Variants in WDR20 observed in about 807,000 individuals in gnomAD.
WDR20 encodes WD repeat-containing protein 20.
WDR20 carries 3 observed loss-of-function variants against 38.7 expected under a neutral mutation model. The ratio of observed to expected loss-of-function variants is 0.08; its 90% confidence interval spans 0.04 to 0.20. The LOEUF (loss-of-function observed/expected upper bound fraction) is 0.20, where lower values mean the gene tolerates loss of function less well. Among genes scored for constraint, WDR20 ranks in the 10% least tolerant of loss-of-function variants. WDR20 has a pLI of 1.00. For synonymous variants in WDR20, 298 were observed against 285.6 expected (o/e 1.04, Z -0.44); for missense variants, 559 against 727.7 (o/e 0.77, Z 2.67).
intron 2 of WDR20, among the ~76,000 whole-genome samples, chr14:102,199,118 A>T (rs948952524): frequency 1.4e-4 from 21 of 152,108 alleles, no homozygotes; most frequent in African/African-American, 5.1e-4. Flanking sequence ...AGGGGCACTT[A>T]ACACACAGTT....
chr14:102,202,615 C>G (rs1432691437), intron 2 of WDR20, among the ~76,000 whole-genome samples: 1 of 151,942 alleles, frequency 6.6e-6, no homozygotes, highest in African/African-American at 2.4e-5. Flanking sequence ...CTCCTGACCT[C>G]GTGATCCGCC....
upstream of WDR20, chr14:102,139,796 G>A (rs1446253114): frequency 6.4e-6 from 9 of 1,413,384 alleles, no homozygotes; most frequent in Non-Finnish European, 8.7e-6. Flanking sequence ...CCCTCGCAGG[G>A]CTGGCCCGCG....
chr14:102,214,995 T>A, downstream of WDR20: 1 of 984,476 alleles, frequency 1.0e-6, no homozygotes. Flanking sequence ...CGTGTGTGAG[T>A]GAACTGTAAA....
chr14:102,158,723 G>T (rs1430625907), intron 1 of WDR20, among the ~76,000 whole-genome samples: 2 of 152,016 alleles, frequency 1.3e-5, no homozygotes, highest in Non-Finnish European at 2.9e-5. Flanking sequence ...AATTTCTCCA[G>T]ATTTCTACCC....
At chr14:102,213,317 A>G, downstream of WDR20, 5 of 985,480 alleles carry the variant, frequency 5.1e-6, no homozygotes, top group Non-Finnish European at 6.0e-6. Flanking sequence ...ATGCATGTGC[A>G]GGAGTAGACA....
chr14:102,142,794 T>TC (rs1340808431), intron 1 of WDR20, among the ~76,000 whole-genome samples: 1 of 150,454 alleles, frequency 6.6e-6, no homozygotes, highest in Non-Finnish European at 1.5e-5. Flanking sequence ...TTTTTTTTTT[T>TC]TTTGGTCCTT....
chr14:102,187,281 C>A (rs545901024), intron 1 of WDR20, among the ~76,000 whole-genome samples: 8 of 152,254 alleles, frequency 5.3e-5, no homozygotes, highest in African/African-American at 1.9e-4. Context: ...CTCCTGGCTT[C>A]TTTCTTGTTT....
intron 1 of WDR20, among the ~76,000 whole-genome samples, chr14:102,160,114 C>CA (rs1226340530): frequency 2.6e-5 from 4 of 151,968 alleles, no homozygotes; most frequent in Non-Finnish European, 5.9e-5. Context: ...TAAAAACAAA[C>CA]AAAAAACTTG....
chr14:102,164,905 A>C lies in WDR20; in HGVS notation c.249+24733A>C, dbSNP rs181323796. On this transcript the variant is annotated intron_variant, in intron 1 of 2. Transcript: ENST00000342702. ...TGTGCCTTTTCTCCATCACCAAAGG[A>C]AAAACTATTTATTGCAATAAATTAA... 3.0e-4 allele frequency among the ~76,000 whole-genome samples: 45 copies of C among 152,352 alleles called. No individual in the cohort carries two copies. In the East Asian group the frequency reaches 8.3e-3, roughly 28 times the overall value.
chr14:102,209,692 A>G lies in WDR20; in HGVS notation c.1522A>G (p.Thr508Ala). 1 of 1,614,042 alleles carries G rather than the reference A, an allele frequency of 6.2e-7. No individual in the cohort carries two copies. The highest frequency in any genetic ancestry group is 8.5e-7 in the Non-Finnish European group (1 of 1,180,024). Reference protein sequence around the residue: ...VTKTKTDPAKTLGTPLCPRME... With the variant: ...VTKTKTDPAKALGTPLCPRME... ...CAAAACCAAAACGGACCCTGCTAAA[A>G]CTCTGGGAACGCCCCTGTGTCCTCG... is the stretch of plus-strand genomic sequence containing the variant. The change falls in exon 3 of 3, where the codon ACT (threonine) becomes GCT (alanine). Residue 508 changes from threonine (T) to alanine (A), a missense_variant. Transcript: ENST00000342702. The surrounding 1 kb of genome is among the most constrained non-coding windows in gnomAD (Gnocchi z 6.0).
At chr14:102,189,505 C>T (rs543160616) in intron 1 of WDR20, among the ~76,000 whole-genome samples, 21 of 152,316 alleles carry the variant, frequency 1.4e-4, no homozygotes, top group African/African-American at 5.1e-4. Context: ...TCTACAAATA[C>T]TTAGCCTCTG....
downstream of WDR20, chr14:102,214,989 T>C: frequency 9.1e-6 from 9 of 984,862 alleles, no homozygotes; most frequent in Non-Finnish European, 1.1e-5. Context: ...AATAAACGTG[T>C]GTGAGTGAAC....
intron 1 of WDR20, among the ~76,000 whole-genome samples, chr14:102,156,288 C>T (rs1203285578): frequency 6.6e-6 from 1 of 151,778 alleles, no homozygotes; most frequent in Non-Finnish European, 1.5e-5. Flanking sequence ...CTGCCTCAGC[C>T]TCCCGAGTAG....
At chr14:102,219,341 C>T (rs938578921), downstream of WDR20, among the ~76,000 whole-genome samples, 4 of 152,242 alleles carry the variant, frequency 2.6e-5, no homozygotes, top group Admixed American at 6.5e-5. Flanking sequence ...TCCAGTGACT[C>T]GCACAAGTCC....
chr14:102,153,552 C>T (rs964870718), intron 1 of WDR20, among the ~76,000 whole-genome samples: 4 of 151,860 alleles, frequency 2.6e-5, no homozygotes, highest in African/African-American at 7.3e-5. Context: ...ATGATCTGCC[C>T]GCCTCAGCCT....
rs749813536 is a variant in WDR20 at position 102,209,390 on chromosome 14, C to T, written c.1220C>T (p.Thr407Met). 1.2e-5 allele frequency: 19 copies of T among 1,614,056 alleles called. No homozygotes were observed. Among genetic ancestry groups the T allele is most frequent in the African/African-American group, 4.0e-5 (3 of 74,922 alleles). Residue 407 changes from threonine to methionine, a missense_variant, in exon 3 of 3, where the codon ACG (threonine) becomes ATG (methionine). By Grantham distance (81) the Thr-to-Met change is moderately conservative. Transcript: ENST00000342702. The surrounding 1 kb of genome is among the most constrained non-coding windows in gnomAD (Gnocchi z 6.0). ...ACACACACAAATGTCATGAATGCCA[C>T]GAGTCCTCCTGCTGGAAGCAATGGG... Reference protein sequence around the residue: ...ARTHTNVMNATSPPAGSNGNS... With the variant: ...ARTHTNVMNAMSPPAGSNGNS...
intron 2 of WDR20, among the ~76,000 whole-genome samples, chr14:102,203,090 C>T (rs906726479): frequency 1.3e-5 from 2 of 152,184 alleles, no homozygotes; most frequent in Non-Finnish European, 2.9e-5. Context: ...TTCCTCATCA[C>T]CCCCACCCCA....
At chr14:102,224,396 G>A (rs1474824990), downstream of WDR20, 1 of 360,548 alleles carries the variant, frequency 2.8e-6, no homozygotes. Context: ...TGAGTTTAGG[G>A]CATCCCACAC....
At chr14:102,168,244 C>T (rs1403929503) in intron 1 of WDR20, among the ~76,000 whole-genome samples, 2 of 152,154 alleles carry the variant, frequency 1.3e-5, no homozygotes, top group East Asian at 1.9e-4. Context: ...ATTCAAATCA[C>T]TAAATCAATT....
Sources: allele counts gnomAD v4.1 joint callset (sites outside exome capture counted in the v4.1 genomes callset), GRCh38; gene constraint gnomAD v4.1.1; non-coding constraint Gnocchi (gnomAD v3.1); transcripts MANE v1.5; gene names NCBI Gene and HGNC (gene_info 2026-07-23, HGNC 2026-07-21).